Variants in PRELID2 observed in about 807,000 individuals in gnomAD.
PRELID2 encodes PRELI domain-containing protein 2.
PRELID2 carries 25 observed loss-of-function variants against 28.4 expected under a neutral mutation model. The observed-to-expected ratio is 0.88, with a 90% CI of 0.64 to 1.23. The LOEUF (loss-of-function observed/expected upper bound fraction) is 1.23. Among genes scored for constraint, PRELID2 ranks in the 50% most tolerant of loss-of-function variants. The pLI, the probability that PRELID2 is intolerant of heterozygous loss-of-function variation, is 0.00. For synonymous variants in PRELID2, 76 were observed against 71.6 expected (o/e 1.06, Z -0.31); for missense variants, 201 against 214.4 (o/e 0.94, Z 0.39).
intron 5 of PRELID2, chr5:145,795,065 T>G (rs538281847): frequency 6.6e-6 from 1 of 152,136 alleles, no homozygotes; most frequent in Non-Finnish European, 1.5e-5. Context: ...CTAGTGAATA[T>G]AGCTGTATTA....
the PRELID2 span, among the ~76,000 whole-genome samples, chr5:145,318,412 G>T: frequency 4.6e-5 from 7 of 152,182 alleles, no homozygotes; most frequent in African/African-American, 1.7e-4. Flanking sequence ...CATCAGTTGG[G>T]ATATTTAAAG....
the PRELID2 span, among the ~76,000 whole-genome samples, chr5:145,326,647 G>C: frequency 6.6e-6 from 1 of 152,056 alleles, no homozygotes; most frequent in Non-Finnish European, 1.5e-5. Flanking sequence ...ATTGATTCTT[G>C]ATAGTGGTAT....
At chr5:145,335,414 T>C in the PRELID2 span, among the ~76,000 whole-genome samples, 1 of 152,006 alleles carries the variant, frequency 6.6e-6, no homozygotes. Context: ...CAGCTGACTG[T>C]TTACTTAAAA....
intron 1 of PRELID2, among the ~76,000 whole-genome samples, chr5:145,481,640 AAAAAAAAAAAAAAG>A (rs1385342214): frequency 1.4e-5 from 2 of 146,818 alleles, no homozygotes; most frequent in East Asian, 3.9e-4. Flanking sequence ...AAAAAAAAAA[AAAAAAAAAAAAAAG>A]AAAGAAAGAA....
At chr5:145,547,139 G>A (rs1354210194) in intron 1 of PRELID2, among the ~76,000 whole-genome samples, 2 of 149,838 alleles carry the variant, frequency 1.3e-5, no homozygotes, top group Non-Finnish European at 2.9e-5. Flanking sequence ...TCAAAATTTG[G>A]CAGCAAAGTC....
chr5:145,413,743 T>A, the PRELID2 span, among the ~76,000 whole-genome samples: 1 of 152,052 alleles, frequency 6.6e-6, no homozygotes, highest in African/African-American at 2.4e-5. Flanking sequence ...TCTACTCTCT[T>A]CTTCTATGAG....
At chr5:145,435,322 A>G in the PRELID2 span, among the ~76,000 whole-genome samples, 1 of 152,158 alleles carries the variant, frequency 6.6e-6, no homozygotes, top group African/African-American at 2.4e-5. Flanking sequence ...TAAGGGAAGG[A>G]AAAAGAGATG....
chr5:145,247,813 T>C, the PRELID2 span, among the ~76,000 whole-genome samples: 1 of 152,146 alleles, frequency 6.6e-6, no homozygotes, highest in Non-Finnish European at 1.5e-5. Flanking sequence ...ATGTACCTCC[T>C]GTCTCTGAGA....
At chr5:145,587,663 T>C (rs898598592) in intron 1 of PRELID2, among the ~76,000 whole-genome samples, 3 of 152,164 alleles carry the variant, frequency 2.0e-5, no homozygotes, top group African/African-American at 7.2e-5. Flanking sequence ...AGCTATTCCT[T>C]GTGGGCTTCC....
At chr5:145,397,962 C>T in the PRELID2 span, among the ~76,000 whole-genome samples, 7 of 152,072 alleles carry the variant, frequency 4.6e-5, no homozygotes, top group African/African-American at 7.2e-5. Context: ...TGGTGTGAGG[C>T]GATGGCTGGT....
chr5:145,494,417 T>C (rs1459065797), intron 1 of PRELID2, among the ~76,000 whole-genome samples: 1 of 152,176 alleles, frequency 6.6e-6, no homozygotes, highest in African/African-American at 2.4e-5. Flanking sequence ...GAAAGCAATA[T>C]AGGATTAATA....
the PRELID2 span, among the ~76,000 whole-genome samples, chr5:145,254,366 A>G: frequency 6.6e-6 from 1 of 152,224 alleles, no homozygotes; most frequent in Non-Finnish European, 1.5e-5. Context: ...TAAAAAAACA[A>G]AACTAAACTA....
At chr5:145,380,848 G>A in the PRELID2 span, among the ~76,000 whole-genome samples, 1 of 152,104 alleles carries the variant, frequency 6.6e-6, no homozygotes, top group East Asian at 1.9e-4. Flanking sequence ...CCATAACAAA[G>A]GGTCTTGATA....
At chr5:145,533,201 G>C (rs185430469) in intron 1 of PRELID2, among the ~76,000 whole-genome samples, 1 of 152,134 alleles carries the variant, frequency 6.6e-6, no homozygotes, top group East Asian at 1.9e-4. Context: ...TAAAATGTGG[G>C]AATGGGACAA....
chr5:145,441,724 G>A, the PRELID2 span, among the ~76,000 whole-genome samples: 7 of 152,090 alleles, frequency 4.6e-5, no homozygotes, highest in Admixed American at 1.3e-4. Context: ...GCATGGTGAA[G>A]GCACACAGCC....
chr5:145,725,532 T>C (rs531855162), intron 1 of PRELID2, among the ~76,000 whole-genome samples: 8 of 152,206 alleles, frequency 5.3e-5, no homozygotes, highest in Non-Finnish European at 8.8e-5. Context: ...TTCAATACTA[T>C]TGCAATAGCA....
At chr5:145,335,480 C>T in the PRELID2 span, among the ~76,000 whole-genome samples, 1 of 151,884 alleles carries the variant, frequency 6.6e-6, no homozygotes, top group African/African-American at 2.4e-5. Flanking sequence ...TCTTTAATGT[C>T]AATTACTAAA....
chr5:145,265,850 TA>T, the PRELID2 span, among the ~76,000 whole-genome samples: 1 of 152,160 alleles, frequency 6.6e-6, no homozygotes, highest in Admixed American at 6.6e-5. Context: ...CCTGAAACCA[TA>T]AAAATTCTAG....
At chr5:145,547,258 G>A (rs1167105284) in intron 1 of PRELID2, among the ~76,000 whole-genome samples, 3 of 151,966 alleles carry the variant, frequency 2.0e-5, no homozygotes, top group Non-Finnish European at 4.4e-5. Flanking sequence ...GTCCACCCAG[G>A]GACAGTGGCA....
Sources: gnomAD v4.1 joint callset for allele counts (sites outside exome capture counted in the v4.1 genomes callset) on GRCh38, gnomAD v4.1.1 for gene constraint, MANE v1.5 for transcripts, NCBI Gene and HGNC (gene_info 2026-07-23, HGNC 2026-07-21) for gene names.